LMF1: variants seen among roughly 807,000 people sequenced by gnomAD.
LMF1 encodes the protein transmembrane protein 112.
LMF1 carries 68 observed loss-of-function variants against 60.6 expected under a neutral mutation model. The observed-to-expected ratio is 1.12, with a 90% CI of 0.92 to 1.37. The LOEUF is 1.37. Among genes scored for constraint, LMF1 ranks in the 40% most tolerant of loss-of-function variants. The probability of loss-of-function intolerance (pLI) is 0.00; values close to 1 mark genes in which losing one functional copy is unlikely to be tolerated. For synonymous variants in LMF1, 418 were observed against 324.7 expected, an observed-to-expected ratio of 1.29 and a Z score of -3.09; for missense variants, 948 against 767.2, an observed-to-expected ratio of 1.24 and a Z score of -2.78.
intron 10 of LMF1, among the ~76,000 whole-genome samples, chr16:859,896 G>C (rs969401889): frequency 1.4e-5 from 2 of 144,384 alleles, no homozygotes; most frequent in Non-Finnish European, 3.0e-5. Context: ...GTGGTGTCTC[G>C]GGATGGGTGT....
At chr16:970,174 T>C (rs1345693725) in intron 1 of LMF1, among the ~76,000 whole-genome samples, 1 of 152,064 alleles carries the variant, frequency 6.6e-6, no homozygotes, top group Non-Finnish European at 1.5e-5. Flanking sequence ...AAGGAGAAAC[T>C]CCAGTCTGGC....
At chr16:911,894 G>A (rs1332369551) in intron 3 of LMF1, among the ~76,000 whole-genome samples, 2 of 152,096 alleles carry the variant, frequency 1.3e-5, no homozygotes, top group African/African-American at 2.4e-5. Context: ...CACTGGATGC[G>A]GGGGACACGT....
chr16:973,280 G>A (rs995612481), upstream of LMF1, among the ~76,000 whole-genome samples: 3 of 152,204 alleles, frequency 2.0e-5, no homozygotes, highest in African/African-American at 7.2e-5. Flanking sequence ...GGGAGGTGGA[G>A]GTTGCAGTGA....
chr16:859,177 A>C (rs74217801), intron 10 of LMF1, among the ~76,000 whole-genome samples: 11 of 86,036 alleles, frequency 1.3e-4, no homozygotes, highest in Admixed American at 2.5e-4. Context: ...GACGGGTGTG[A>C]GTGGTGTCTC....
chr16:950,149 GCC>G, intron 2 of LMF1, among the ~76,000 whole-genome samples: 1 of 102,490 alleles, frequency 9.8e-6, no homozygotes, highest in Non-Finnish European at 1.8e-5. Flanking sequence ...CAGAGTCAGA[GCC>G]AATGACAGAG....
At chr16:960,080 C>T (rs967817741) in intron 1 of LMF1, among the ~76,000 whole-genome samples, 2 of 152,310 alleles carry the variant, frequency 1.3e-5, no homozygotes, top group Middle Eastern at 3.4e-3. Flanking sequence ...CCGGGAGCAA[C>T]GGCCCTCCCA....
chr16:979,960 A>G, intron 1 of LMF1: 2 of 353,512 alleles, frequency 5.7e-6, no homozygotes, highest in South Asian at 4.2e-5. Context: ...CAGGGGGAAG[A>G]GGCACTGCAG....
At chr16:915,749 C>T (rs2071261735) in intron 3 of LMF1, among the ~76,000 whole-genome samples, 1 of 152,344 alleles carries the variant, frequency 6.6e-6, no homozygotes, top group South Asian at 2.1e-4. Flanking sequence ...AGGCCAGCAG[C>T]CGTGTGGGAC....
rs1443019802 is a variant in LMF1 at position 950,975 on chromosome 16, C to G, written c.503+3382G>C. Among the ~76,000 whole-genome samples the G allele has an allele frequency of 4.8e-5, 7 of 144,358 alleles. 1 individual carries two copies. The highest frequency in any genetic ancestry group is 7.5e-5 in the Non-Finnish European group (5 of 66,636). The allele number at this position is 144,358 out of a possible 152,430, so 94.7% of individuals were successfully genotyped here. ...CAGAGCCAACGACAGAATCAGCCAA[C>G]AACAGTCAGCCAATGACAGAGTCAG... is the stretch of plus-strand genomic sequence containing the variant. On this transcript the variant is annotated intron_variant, in intron 2 of 10. Coordinates refer to ENST00000262301, the MANE Select transcript of LMF1 (RefSeq NM_022773.4).
intron 3 of LMF1, among the ~76,000 whole-genome samples, chr16:922,580 T>A (rs2071463192): frequency 6.7e-6 from 1 of 149,620 alleles, no homozygotes; most frequent in Non-Finnish European, 1.5e-5. Flanking sequence ...AGGCCCTGTC[T>A]GAAAGTCGCC....
At position 869,805 on chromosome 16, in the gene LMF1, T is replaced by G. The variant is rs887200011; in HGVS notation, c.1416+78A>C. Reference sequence around the variant, plus strand: ...CCCCACCAGCCCCTTCAGTGGGCGTTCTAGAAACCTGCCATCTATGGGCAG... The same window carrying G: ...CCCCACCAGCCCCTTCAGTGGGCGTGCTAGAAACCTGCCATCTATGGGCAG... On this transcript the variant is annotated intron_variant, in intron 9 of 10. Transcript: ENST00000262301. 9 of 1,455,648 alleles carry G rather than the reference T, an allele frequency of 6.2e-6. No homozygotes were observed. The African/African-American group carries it at 8.4e-5, about 14-fold the overall frequency. 90.2% of individuals were successfully genotyped at this position (1,455,648 alleles called of 1,614,324 possible).
rs773574823 is a variant in LMF1 at position 934,112 on chromosome 16, C to T, written c.514+132G>A. ...TCAGATCACAAGCGCCCATCACTGCCCTCCGTGCATACTGGGAAGGCTGAT... is the reference window on the plus strand; with the variant it reads ...TCAGATCACAAGCGCCCATCACTGCTCTCCGTGCATACTGGGAAGGCTGAT... On this transcript the variant is annotated intron_variant, in intron 3 of 10. Coordinates refer to ENST00000262301, the MANE Select transcript of LMF1 (RefSeq NM_022773.4). 3.9e-6 allele frequency: 6 copies of T among 1,557,446 alleles called. No homozygotes were observed. The South Asian group carries it at 7.0e-5, about 18-fold the overall frequency.
chr16:869,501 T>C (rs1182693025), intron 9 of LMF1: 1 of 547,046 alleles, frequency 1.8e-6, no homozygotes, highest in African/African-American at 1.9e-5. Context: ...CTGCCATCAT[T>C]TGAGGCTGCA....
intron 3 of LMF1, among the ~76,000 whole-genome samples, chr16:921,751 G>A (rs2071437828): frequency 6.6e-6 from 1 of 152,176 alleles, no homozygotes; most frequent in African/African-American, 2.4e-5. Context: ...GGGGACACGG[G>A]CGAGGAGACC....
intron 3 of LMF1, among the ~76,000 whole-genome samples, chr16:929,638 ATTCG>A (rs2071713201): frequency 6.6e-6 from 1 of 152,276 alleles, no homozygotes; most frequent in Non-Finnish European, 1.5e-5. Flanking sequence ...AAGCGGCCAC[ATTCG>A]GGGCTGCGGA....
chr16:898,970 T>G (rs2070736294), intron 4 of LMF1: 1 of 152,220 alleles, frequency 6.6e-6, no homozygotes. Context: ...GGAGATCGCT[T>G]GAGCTGAACT....
chr16:912,877 C>CA (rs763706839), intron 3 of LMF1, among the ~76,000 whole-genome samples: 1 of 152,242 alleles, frequency 6.6e-6, no homozygotes, highest in Non-Finnish European at 1.5e-5. Flanking sequence ...AACGCGTCCC[C>CA]AGGAAAGTCA....
rs148922149 is a variant in LMF1, at chr16:888,919, AT to A, written c.729+4087del. Among the ~76,000 whole-genome samples, 1,172 of 152,276 alleles carry A rather than the reference AT, an allele frequency of 7.7e-3. 13 individuals carry two copies. Among genetic ancestry groups the A allele is most frequent in the African/African-American group, 0.027 (1,116 of 41,522 alleles). On this transcript the variant is annotated intron_variant, in intron 5 of 10. Coordinates refer to ENST00000262301, the MANE Select transcript of LMF1 (RefSeq NM_022773.4). ...CGTCCTCAGCTGGGACAGGAGCTGC[AT>A]CCCCCCTCTCCTGTGCTGCGCTGGC...
At chr16:945,523 C>G (rs1186179879) in intron 2 of LMF1, among the ~76,000 whole-genome samples, 2 of 109,886 alleles carry the variant, frequency 1.8e-5, no homozygotes, top group Non-Finnish European at 3.5e-5. Context: ...AAGAGGCTGT[C>G]TCAAAAAAAA....
Sources: allele counts gnomAD v4.1 joint callset (sites outside exome capture counted in the v4.1 genomes callset), GRCh38; gene constraint gnomAD v4.1.1; transcripts MANE v1.5; gene names NCBI Gene and HGNC (gene_info 2026-07-23, HGNC 2026-07-21).